The following KCNJ10 variants were observed in gnomAD, a reference collection of about 807,000 sequenced individuals.
KCNJ10 encodes the protein potassium inwardly rectifying channel subfamily J member 10, also known as ATP-sensitive inward rectifier potassium channel 10.
Under a neutral mutation model 22.2 loss-of-function variants are expected in KCNJ10, and 9 were observed. The ratio of observed to expected loss-of-function variants is 0.40; its 90% confidence interval spans 0.24 to 0.71. The LOEUF (loss-of-function observed/expected upper bound fraction) is 0.71, where lower values mean the gene tolerates loss of function less well. Among genes scored for constraint, KCNJ10 ranks in the 30% least tolerant of loss-of-function variants. KCNJ10 has a pLI of 0.35. For synonymous variants in KCNJ10, 184 were observed against 187.3 expected, an observed-to-expected ratio of 0.98 and a Z score of 0.15; for missense variants, 337 against 482.7, an observed-to-expected ratio of 0.70 and a Z score of 2.83.
In KCNJ10 at chr1:160,041,487, T is replaced by C. The variant is rs1414952042; in HGVS notation, c.1046A>G (p.Tyr349Cys). 4 of 1,614,062 alleles carry C rather than the reference T, an allele frequency of 2.5e-6. No homozygotes were observed. The highest frequency in any genetic ancestry group is 3.4e-6 in the Non-Finnish European group (4 of 1,180,020). The change falls in exon 2 of 2, where the codon TAC (tyrosine) becomes TGC (cysteine). Residue 349 changes from tyrosine (Y) to cysteine (C), a missense_variant. This residue lies in a region of KCNJ10 where 65 missense variants were observed against 66.0 expected (regional missense o/e 0.98). Transcript: ENST00000644903. The surrounding 1 kb of genome is among the most constrained non-coding windows in gnomAD (Gnocchi z 4.4). ...PSGLRDSTVRYGDPEKLKLEE... is the reference protein window; with the variant it reads ...PSGLRDSTVRCGDPEKLKLEE... ...CAACTTGAGCTTTTCAGGGTCTCCG[T>C]AGCGTACAGTGCTGTCACGGAGGCC...
At chr1:160,063,694 G>A (rs1649252192) in intron 1 of KCNJ10, 1 of 152,254 alleles carries the variant, frequency 6.6e-6, no homozygotes, top group Admixed American at 6.5e-5. Flanking sequence ...GAACTCCTGG[G>A]TTCGGGGCCC....
chr1:160,039,427 A>G lies in KCNJ10; in HGVS notation c.*1966T>C, dbSNP rs1032109837. ...ACACACACACACACACACACACAGC[A>G]GTACATCTTGTCCCTACACACTGAA... On this transcript the variant is annotated 3_prime_UTR_variant, in exon 2 of 2. Coordinates refer to ENST00000644903, the MANE Select transcript of KCNJ10 (RefSeq NM_002241.5). 2 of 143,702 alleles carry G rather than the reference A, an allele frequency of 1.4e-5. No individual in the cohort carries two copies. The highest frequency in any genetic ancestry group is 3.0e-5 in the Non-Finnish European group (2 of 65,664). The allele number at this position is 143,702 out of a possible 1,614,324, so 8.9% of individuals were successfully genotyped here.
intron 1 of KCNJ10, among the ~76,000 whole-genome samples, chr1:160,069,344 A>G (rs1649397806): frequency 6.6e-6 from 1 of 152,210 alleles, no homozygotes; most frequent in Non-Finnish European, 1.5e-5. Flanking sequence ...TATAGAACCC[A>G]ATCTGCCCTT....
chr1:160,041,479 G>T lies in KCNJ10; in HGVS notation c.1054C>A (p.Pro352Thr), dbSNP rs888967595. ...LRDSTVRYGD[P>T]EKLKLEESLR... is the part of the protein sequence containing the mutation. ...GACTCCTCCAACTTGAGCTTTTCAG[G>T]GTCTCCGTAGCGTACAGTGCTGTCA... The change falls in exon 2 of 2, where the codon CCT becomes ACT. Residue 352 changes from proline to threonine, a missense_variant. Transcript: ENST00000644903. The surrounding 1 kb of genome is among the most constrained non-coding windows in gnomAD (Gnocchi z 4.4). 24 of 1,614,122 alleles carry T rather than the reference G, an allele frequency of 1.5e-5. No homozygotes were observed. The highest frequency in any genetic ancestry group is 1.9e-5 in the Non-Finnish European group (22 of 1,180,004).
chr1:160,058,917 T>C (rs1308278249), intron 1 of KCNJ10, among the ~76,000 whole-genome samples: 2 of 152,210 alleles, frequency 1.3e-5, no homozygotes, highest in Non-Finnish European at 2.9e-5. Flanking sequence ...GGCTTCAGCT[T>C]AGATGTCACT....
chr1:160,051,070 A>G (rs1557970844), intron 1 of KCNJ10, among the ~76,000 whole-genome samples: 1 of 151,854 alleles, frequency 6.6e-6, no homozygotes, highest in African/African-American at 2.4e-5. Flanking sequence ...CAGCCTCCCG[A>G]GTAGCTGGAA....
chr1:160,038,270 T>C lies in KCNJ10; in HGVS notation c.*3123A>G, dbSNP rs1417999680. 6.6e-6 allele frequency: 1 copy of C among 152,190 alleles called. No individual in the cohort carries two copies. Among genetic ancestry groups the C allele is most frequent in the African/African-American group, 2.4e-5 (1 of 41,432 alleles). The allele number at this position is 152,190 out of a possible 1,614,324, so 9.4% of individuals were successfully genotyped here. A position where few individuals can be genotyped will look rare whatever the true frequency, so the allele number is the denominator to read the frequency against. ...AAAGGGAAACAAAATGGTGCTTTATTTTATTTTATTTATTTTAAAAAGGCG... is the reference window on the plus strand; with the variant it reads ...AAAGGGAAACAAAATGGTGCTTTATCTTATTTTATTTATTTTAAAAAGGCG... On this transcript the variant is annotated 3_prime_UTR_variant, in exon 2 of 2. Coordinates refer to ENST00000644903, the MANE Select transcript of KCNJ10 (RefSeq NM_002241.5).
chr1:160,051,384 C>A (rs1437586255), intron 1 of KCNJ10, among the ~76,000 whole-genome samples: 1 of 152,088 alleles, frequency 6.6e-6, no homozygotes, highest in African/African-American at 2.4e-5. Flanking sequence ...CATATTTCAT[C>A]TTTTTAACTC....
At chr1:160,049,097 T>C (rs1230587399) in intron 1 of KCNJ10, among the ~76,000 whole-genome samples, 1 of 152,210 alleles carries the variant, frequency 6.6e-6, no homozygotes, top group African/African-American at 2.4e-5. Context: ...CTCAGAGAGA[T>C]GGTGTGACTC....
chr1:160,050,131 A>G (rs1348376363), intron 1 of KCNJ10, among the ~76,000 whole-genome samples: 1 of 152,086 alleles, frequency 6.6e-6, no homozygotes, highest in Non-Finnish European at 1.5e-5. Flanking sequence ...TTTATACAAT[A>G]AACACTTTGT....
chr1:160,059,194 C>T (rs543119332), intron 1 of KCNJ10, among the ~76,000 whole-genome samples: 8 of 152,326 alleles, frequency 5.3e-5, no homozygotes, highest in Admixed American at 3.3e-4. Context: ...GAACCCAGGC[C>T]TGCTTAAATC....
chr1:160,069,744 A>G (rs1649407669), intron 1 of KCNJ10, among the ~76,000 whole-genome samples: 1 of 152,176 alleles, frequency 6.6e-6, no homozygotes, highest in Non-Finnish European at 1.5e-5. Context: ...GCAGGGATGC[A>G]ACTGCTGGTC....
At chr1:160,050,577 T>C (rs1648878527) in intron 1 of KCNJ10, among the ~76,000 whole-genome samples, 1 of 151,948 alleles carries the variant, frequency 6.6e-6, no homozygotes, top group African/African-American at 2.4e-5. Flanking sequence ...AGGCAGGAAG[T>C]GATAAGTGCC....
At chr1:160,056,677 G>A (rs1474911725) in intron 1 of KCNJ10, among the ~76,000 whole-genome samples, 1 of 152,164 alleles carries the variant, frequency 6.6e-6, no homozygotes, top group African/African-American at 2.4e-5. Context: ...GCTCTTTGAA[G>A]GCACAGACTG....
rs770992543 is a variant in KCNJ10 at position 160,039,734 on chromosome 1, CTG to C, written c.*1657_*1658del. 6.6e-5 allele frequency: 10 copies of C among 152,250 alleles called. No homozygotes were observed. Among genetic ancestry groups the C allele is most frequent in the Non-Finnish European group, 1.2e-4 (8 of 68,092 alleles). 9.4% of individuals were successfully genotyped at this position (152,250 alleles called of 1,614,324 possible). On this transcript the variant is annotated 3_prime_UTR_variant, in exon 2 of 2. Coordinates refer to ENST00000644903, the MANE Select transcript of KCNJ10 (RefSeq NM_002241.5). ...AAATTTTGTGTTTCTCTGCAAGGCT[CTG>C]TACATAGATGCATGTATATATTCTG...
chr1:160,041,549 G>A lies in KCNJ10; in HGVS notation c.984C>T (p.Ser328=), dbSNP rs1193299030. 3 of 1,614,168 alleles carry A rather than the reference G, an allele frequency of 1.9e-6. No homozygotes were observed. The Admixed American group carries it at 5.0e-5, about 27-fold the overall frequency. Residue 328 remains serine, a synonymous_variant, in exon 2 of 2, where the codon AGC becomes AGT. Coordinates refer to ENST00000644903, the MANE Select transcript of KCNJ10 (RefSeq NM_002241.5). The surrounding 1 kb of genome is among the most constrained non-coding windows in gnomAD (Gnocchi z 4.4). ...SASGKYIADF[S]LFDQVVKVAS... is the part of the protein sequence containing the mutation. Reference sequence around the variant, plus strand: ...CCACTTTCACAACTTGGTCAAAAAGGCTAAAGTCAGCTATGTATTTACCAC... The same window carrying A: ...CCACTTTCACAACTTGGTCAAAAAGACTAAAGTCAGCTATGTATTTACCAC...
chr1:160,049,668 TA>T (rs1648829574), intron 1 of KCNJ10, among the ~76,000 whole-genome samples: 2 of 79,662 alleles, frequency 2.5e-5, no homozygotes, highest in Admixed American at 1.5e-4. Context: ...TCCAGCATTT[TA>T]TTTATTTATA....
At position 160,042,100 on chromosome 1, in the gene KCNJ10, C is replaced by T. The variant is rs759179232; in HGVS notation, c.433G>A (p.Val145Met). ...YISEECPLAIVLLIAQLVLTT... is the reference protein window; with the variant it reads ...YISEECPLAIMLLIAQLVLTT... Reference sequence around the variant, plus strand: ...AGCACCAGCTGGGCAATAAGAAGCACAATGGCCAGTGGACATTCCTCACTG... The same window carrying T: ...AGCACCAGCTGGGCAATAAGAAGCATAATGGCCAGTGGACATTCCTCACTG... Residue 145 changes from valine to methionine, a missense_variant, in exon 2 of 2, where the codon GTG (valine) becomes ATG (methionine). Physicochemically the swap from Val to Met is conservative, Grantham distance 21. Around this residue, in one of 3 missense-constraint regions of KCNJ10, gnomAD observed 165 missense variants for 281.5 expected, o/e 0.59. Transcript: ENST00000644903. 3 of 1,553,610 alleles carry T rather than the reference C, an allele frequency of 1.9e-6. No homozygotes were observed. The highest frequency in any genetic ancestry group is 1.7e-6 in the Non-Finnish European group (2 of 1,149,930).
intron 1 of KCNJ10, among the ~76,000 whole-genome samples, chr1:160,050,254 C>T (rs1263208546): frequency 6.6e-6 from 1 of 152,016 alleles, no homozygotes. Flanking sequence ...CTACCTCATC[C>T]TCCTGAGTAC....
Sources: gnomAD v4.1 joint callset for allele counts (sites outside exome capture counted in the v4.1 genomes callset) on GRCh38, gnomAD v4.1.1 for gene constraint, gnomAD v4.1.1 regional missense constraint, Gnocchi (gnomAD v3.1) non-coding constraint, MANE v1.5 for transcripts, NCBI Gene and HGNC (gene_info 2026-07-23, HGNC 2026-07-21) for gene names.